Variants in WASHC2C observed in about 807,000 individuals in gnomAD.
WASHC2C encodes Vaccinia Penetration Factor.
A neutral mutation model predicts 142.2 loss-of-function variants in WASHC2C; 73 were observed. The observed-to-expected ratio is 0.51, with a 90% confidence interval of 0.43 to 0.62. WASHC2C has a LOEUF of 0.62. Ranked by LOEUF, WASHC2C falls within the 20% of genes least tolerant of loss-of-function variation. The pLI is 0.00. For synonymous variants in WASHC2C, 337 were observed against 565.5 expected, an observed-to-expected ratio of 0.60 and a Z score of 5.73; for missense variants, 969 against 1,531.7, an observed-to-expected ratio of 0.63 and a Z score of 6.13.
chr10:45,785,451 T>A, intron 25 of WASHC2C, 58 bp from the exon 26 acceptor site: 1 of 1,602,374 alleles, frequency 6.2e-7, no homozygotes, highest in Non-Finnish European at 8.5e-7. Flanking sequence ...GCATTATGAT[T>A]TTTCCTTAAA....
At chr10:45,727,393 C>T in intron 1 of WASHC2C, 24 bp from the exon 2 acceptor site, 2 of 1,610,612 alleles carry the variant, frequency 1.2e-6, no homozygotes, top group Non-Finnish European at 1.7e-6. Context: ...GGCTCAGCCT[C>T]TCTTCTCGTT....
At chr10:45,765,835 A>G (rs782675834) in intron 19 of WASHC2C, 25 bp downstream of exon 19, 25 of 1,611,794 alleles carry the variant, frequency 1.6e-5, no homozygotes, top group Non-Finnish European at 1.5e-5. Flanking sequence ...CTGCTAAAAA[A>G]GAGGGGATTA....
chr10:45,759,919 AT>A (rs1414338364), intron 17 of WASHC2C, among the ~76,000 whole-genome samples: 1 of 149,854 alleles, frequency 6.7e-6, no homozygotes, highest in African/African-American at 2.4e-5. Flanking sequence ...CTGTATTTAC[AT>A]TTCCTGGGAT....
chr10:45,754,183 C>T (rs1342375077), intron 13 of WASHC2C, among the ~76,000 whole-genome samples: 1 of 152,076 alleles, frequency 6.6e-6, no homozygotes, highest in Non-Finnish European at 1.5e-5. Flanking sequence ...TCATGCTGTC[C>T]CTGCCTCTGC....
rs1378654983 is a variant in WASHC2C, at chr10:45,765,695, G to T, written c.1754G>T (p.Gly585Val). Residue 585 changes from glycine to valine, a missense_variant, in exon 19 of 31, where the codon GGT becomes GTT. Gly to Val is a moderately radical substitution (Grantham distance 109). Transcript: ENST00000623400. The stretch of plus-strand genomic sequence containing the variant: ...CTTTTCTAGGATAATCTTTTTGGGG[G>T]TACAGCTGCTAAGAAGCAGACATTG... Reference protein sequence around the residue: ...DEDEEDNLFGGTAAKKQTLSL... With the variant: ...DEDEEDNLFGVTAAKKQTLSL... 2 of 1,611,834 alleles carry T rather than the reference G, an allele frequency of 1.2e-6. No homozygotes were observed. The highest frequency in any genetic ancestry group is 8.5e-7 in the Non-Finnish European group (1 of 1,179,842).
chr10:45,754,796 G>T, intron 14 of WASHC2C, 140 bp from the exon 15 acceptor site: 2 of 1,359,906 alleles, frequency 1.5e-6, no homozygotes, highest in Non-Finnish European at 1.0e-6. Context: ...AGCAGTAATG[G>T]ATGGAGGCTA....
Position 45,742,543 on chromosome 10 carries a change from T to C in WASHC2C, c.529-847T>C, listed in dbSNP as rs1476420420. 3.3e-5 allele frequency among the ~76,000 whole-genome samples: 5 copies of C among 152,374 alleles called. No individual in the cohort carries two copies. The East Asian group carries it at 9.6e-4, about 29-fold the overall frequency. ...GTTGGCCAGGCTGGTCTCAAACTCC[T>C]GACCTCAAGTGATCCATCTGCCTCA... On this transcript the variant is annotated intron_variant, in intron 5 of 30. Transcript: ENST00000623400.
chr10:45,746,721 T>G, intron 8 of WASHC2C, 74 bp downstream of exon 8: 2 of 1,578,182 alleles, frequency 1.3e-6, no homozygotes, highest in East Asian at 2.2e-5. Flanking sequence ...AAAATTACTT[T>G]GGAATGATTT....
chr10:45,773,737 CAT>C (rs1419973112), intron 21 of WASHC2C, among the ~76,000 whole-genome samples: 3 of 152,172 alleles, frequency 2.0e-5, no homozygotes, highest in South Asian at 2.1e-4. Context: ...GAAATTCTCA[CAT>C]GTGCTACAAA....
intron 15 of WASHC2C, among the ~76,000 whole-genome samples, chr10:45,755,939 T>C (rs1354374995): frequency 1.3e-5 from 2 of 152,140 alleles, no homozygotes; most frequent in Non-Finnish European, 2.9e-5. Context: ...TCTCTTCCAG[T>C]GTTAGGTGTA....
At chr10:45,761,041 A>T (rs1362925608) in intron 17 of WASHC2C, among the ~76,000 whole-genome samples, 3 of 152,056 alleles carry the variant, frequency 2.0e-5, no homozygotes, top group African/African-American at 4.8e-5. Context: ...CAAGTAACTC[A>T]AAAACCTAGT....
At chr10:45,787,880 T>C (rs1312543881) in intron 28 of WASHC2C, among the ~76,000 whole-genome samples, 2 of 152,246 alleles carry the variant, frequency 1.3e-5, no homozygotes, top group Non-Finnish European at 2.9e-5. Flanking sequence ...CGACACTGTT[T>C]CATGGGATCT....
intron 18 of WASHC2C, among the ~76,000 whole-genome samples, chr10:45,765,337 G>T (rs562107085): frequency 6.6e-6 from 1 of 151,258 alleles, no homozygotes; most frequent in South Asian, 2.1e-4. Flanking sequence ...CGTGCCCATC[G>T]CAGGCTGTAA....
At chr10:45,761,312 T>C (rs1283486490) in intron 17 of WASHC2C, among the ~76,000 whole-genome samples, 2 of 152,208 alleles carry the variant, frequency 1.3e-5, no homozygotes, top group African/African-American at 4.8e-5. Flanking sequence ...GAGAGCCCGA[T>C]GGAGGCCATG....
chr10:45,736,181 G>A (rs1554864576), intron 3 of WASHC2C, among the ~76,000 whole-genome samples: 1 of 151,222 alleles, frequency 6.6e-6, no homozygotes, highest in Non-Finnish European at 1.5e-5. Context: ...GCCGAGGTGG[G>A]CGAATCATGA....
intron 5 of WASHC2C, among the ~76,000 whole-genome samples, chr10:45,742,228 T>C (rs1276999462): frequency 1.3e-5 from 2 of 152,284 alleles, no homozygotes; most frequent in African/African-American, 2.4e-5. Flanking sequence ...GGTCTTATTT[T>C]ACCAACTTCA....
upstream of WASHC2C, chr10:45,727,148 T>C: frequency 7.0e-7 from 1 of 1,433,378 alleles, no homozygotes; most frequent in Non-Finnish European, 9.1e-7. Flanking sequence ...CTTCCGCAGC[T>C]TCCTCCCCTC....
At chr10:45,770,339 C>G (rs1295956699) in intron 20 of WASHC2C, among the ~76,000 whole-genome samples, 4 of 147,458 alleles carry the variant, frequency 2.7e-5, no homozygotes, top group Non-Finnish European at 5.9e-5. Context: ...AGTATCACTC[C>G]AGGGGCTGAT....
rs2052049422 is a variant in WASHC2C at position 45,741,562 on chromosome 10, C to T, written c.528+1316C>T. On this transcript the variant is annotated intron_variant, in intron 5 of 30. Transcript: ENST00000623400. Reference sequence around the variant, plus strand: ...GTCAGTGAGAATTAGTCCAAATTAACGCTGTCTTTGCCTTATGCTCCATTG... The same window carrying T: ...GTCAGTGAGAATTAGTCCAAATTAATGCTGTCTTTGCCTTATGCTCCATTG... Among the ~76,000 whole-genome samples, 3 of 152,206 alleles carry T rather than the reference C, an allele frequency of 2.0e-5. No homozygotes were observed. In the South Asian group the frequency reaches 6.2e-4, roughly 32 times the overall value.
Sources: gnomAD v4.1 joint callset for allele counts (sites outside exome capture counted in the v4.1 genomes callset) on GRCh38, gnomAD v4.1.1 for gene constraint, MANE v1.5 for transcripts, NCBI Gene and HGNC (gene_info 2026-07-23, HGNC 2026-07-21) for gene names.